SNX3: variants seen among roughly 807,000 people sequenced by gnomAD.
SNX3 encodes sorting nexin-3.
A neutral mutation model predicts 17.7 loss-of-function variants in SNX3; 5 were observed. The observed-to-expected ratio is 0.28, with a 90% confidence interval of 0.15 to 0.59. The LOEUF is 0.59. Among genes scored for constraint, SNX3 ranks in the 20% least tolerant of loss-of-function variants. The pLI is 0.88. For missense variants in SNX3, 132 were observed against 206.8 expected (o/e 0.64, Z 2.22); for synonymous variants, 91 against 76.5 (o/e 1.19, Z -0.99).
chr6:108,213,385 C>T (rs1347174323), intron 3 of SNX3, among the ~76,000 whole-genome samples: 1 of 152,112 alleles, frequency 6.6e-6, no homozygotes, highest in Non-Finnish European at 1.5e-5. Flanking sequence ...GGCGTGGTGG[C>T]TCATGCTTGT....
chr6:108,225,903 T>G (rs1159829824), intron 1 of SNX3, among the ~76,000 whole-genome samples: 1 of 151,528 alleles, frequency 6.6e-6, no homozygotes, highest in Non-Finnish European at 1.5e-5. Flanking sequence ...TATGGTGGCA[T>G]GTGCCTGTAG....
chr6:108,214,459 T>C, intron 3 of SNX3, 39 bp downstream of exon 3: 1 of 1,599,024 alleles, frequency 6.3e-7, no homozygotes, highest in African/African-American at 1.3e-5. Context: ...AGTAGTCACT[T>C]AAAGTAGTCC....
intron 1 of SNX3, among the ~76,000 whole-genome samples, chr6:108,228,222 T>C (rs1775031036): frequency 6.6e-6 from 1 of 151,922 alleles, no homozygotes. Context: ...CTGGGCAACA[T>C]GGTGAGACCC....
Position 108,222,976 on chromosome 6 carries a change from G to T in SNX3, c.232C>A (p.Arg78=). The T allele has an allele frequency of 6.2e-7, 1 of 1,604,226 alleles. No individual in the cohort carries two copies. Among genetic ancestry groups the T allele is most frequent in the Non-Finnish European group, 8.5e-7 (1 of 1,172,966 alleles). The stretch of plus-strand genomic sequence containing the variant: ...TTGCTCTCTCTTTCTAATTCACTTC[G>T]CAGCCATTCAAAGTCACTGTATCTT... ...RRRYSDFEWL[R]SELERESKVV... is the part of the protein sequence containing the mutation. The change falls in exon 2 of 4, where the codon CGA becomes AGA. Residue 78 remains arginine (R), a synonymous_variant. Coordinates refer to ENST00000230085, the MANE Select transcript of SNX3 (RefSeq NM_003795.6).
chr6:108,260,361 G>A (rs1166820550), intron 1 of SNX3, among the ~76,000 whole-genome samples: 2 of 152,236 alleles, frequency 1.3e-5, no homozygotes, highest in Non-Finnish European at 1.5e-5. Context: ...GAAGTCTCCA[G>A]GAAGAGAAAA....
chr6:108,250,922 A>G (rs1473275082), intron 1 of SNX3, among the ~76,000 whole-genome samples: 1 of 152,220 alleles, frequency 6.6e-6, no homozygotes, highest in African/African-American at 2.4e-5. Flanking sequence ...GTAATTCTCT[A>G]CTTCTCTGCT....
At chr6:108,255,416 C>T (rs544972753) in intron 1 of SNX3, among the ~76,000 whole-genome samples, 33 of 152,158 alleles carry the variant, frequency 2.2e-4, no homozygotes, top group African/African-American at 6.7e-4. Context: ...GTGGTATGAT[C>T]GTGGCTCACT....
intron 1 of SNX3, among the ~76,000 whole-genome samples, chr6:108,229,090 T>C (rs899619677): frequency 9.9e-5 from 15 of 151,634 alleles, no homozygotes; most frequent in Non-Finnish European, 2.1e-4. Flanking sequence ...TGAAACCCCA[T>C]CTCTACTAAA....
intron 1 of SNX3, chr6:108,252,468 G>A (rs1336024647): frequency 6.6e-6 from 1 of 152,372 alleles, no homozygotes; most frequent in African/African-American, 2.4e-5. Context: ...GGTTGGGCCT[G>A]GTTAGTACTT....
intron 2 of SNX3, among the ~76,000 whole-genome samples, chr6:108,217,098 CACT>C (rs1191584347): frequency 6.6e-6 from 1 of 151,936 alleles, no homozygotes; most frequent in Non-Finnish European, 1.5e-5. Context: ...ATTCTGGAAC[CACT>C]GTGTTAAATA....
intron 1 of SNX3, among the ~76,000 whole-genome samples, chr6:108,256,884 T>A (rs779560994): frequency 7.2e-5 from 11 of 152,178 alleles, no homozygotes; most frequent in Non-Finnish European, 8.8e-5. Flanking sequence ...GAACAATTTT[T>A]AAAAACATAA....
chr6:108,257,169 C>T (rs1211842677), intron 1 of SNX3, among the ~76,000 whole-genome samples: 1 of 152,182 alleles, frequency 6.6e-6, no homozygotes, highest in African/African-American at 2.4e-5. Flanking sequence ...GCAAATTCAA[C>T]AGCAAAAGGT....
intron 1 of SNX3, among the ~76,000 whole-genome samples, chr6:108,254,627 A>T (rs1242217945): frequency 6.6e-6 from 1 of 152,206 alleles, no homozygotes; most frequent in East Asian, 1.9e-4. Context: ...AAGGGTGATT[A>T]TGACAGTCCC....
intron 1 of SNX3, among the ~76,000 whole-genome samples, chr6:108,244,999 T>C (rs1394733018): frequency 6.6e-6 from 1 of 152,138 alleles, no homozygotes; most frequent in African/African-American, 2.4e-5. Context: ...ACGTGCAGGT[T>C]TGTTACATAG....
intron 1 of SNX3, among the ~76,000 whole-genome samples, chr6:108,238,125 C>CA (rs1423908676): frequency 3.1e-5 from 4 of 129,672 alleles, no homozygotes; most frequent in African/African-American, 1.2e-4. Flanking sequence ...AAAAAACAAA[C>CA]AAAAAAAGAA....
intron 1 of SNX3, among the ~76,000 whole-genome samples, chr6:108,235,862 T>C (rs1189337817): frequency 6.6e-6 from 1 of 152,164 alleles, no homozygotes; most frequent in East Asian, 1.9e-4. Flanking sequence ...CACTCCAGCC[T>C]CGGCGACAGA....
At chr6:108,220,184 T>A (rs961835289) in intron 2 of SNX3, among the ~76,000 whole-genome samples, 7 of 152,160 alleles carry the variant, frequency 4.6e-5, no homozygotes, top group African/African-American at 1.7e-4. Flanking sequence ...AAATATTTTA[T>A]AAATTATAAA....
chr6:108,221,913 G>A (rs907757955), intron 2 of SNX3, among the ~76,000 whole-genome samples: 1 of 152,080 alleles, frequency 6.6e-6, no homozygotes, highest in East Asian at 1.9e-4. Context: ...TGTATTTCTA[G>A]TTTTATTCAT....
At chr6:108,240,812 G>A (rs992660235) in intron 1 of SNX3, among the ~76,000 whole-genome samples, 4 of 152,066 alleles carry the variant, frequency 2.6e-5, no homozygotes. Context: ...GCCATGGTGG[G>A]GCCTTGATTA....
Sources: gnomAD v4.1 joint callset for allele counts (sites outside exome capture counted in the v4.1 genomes callset) on GRCh38, gnomAD v4.1.1 for gene constraint, MANE v1.5 for transcripts, NCBI Gene and HGNC (gene_info 2026-07-23, HGNC 2026-07-21) for gene names.